GOSR2: variants seen among roughly 807,000 people sequenced by gnomAD.
GOSR2 encodes golgi SNAP receptor complex member 2, also known as 27 kDa Golgi SNARE protein.
Under a neutral mutation model 27.9 loss-of-function variants are expected in GOSR2, and 20 were observed. The ratio of observed to expected loss-of-function variants is 0.72; its 90% confidence interval spans 0.50 to 1.04. GOSR2 has a LOEUF of 1.04. Among genes scored for constraint, GOSR2 ranks in the 50% least tolerant of loss-of-function variants. The probability of loss-of-function intolerance (pLI) is 0.00; values close to 1 mark genes in which losing one functional copy is unlikely to be tolerated. For missense variants in GOSR2, 261 were observed against 270.5 expected, an observed-to-expected ratio of 0.97 and a Z score of 0.25; for synonymous variants, 91 against 98.8, an observed-to-expected ratio of 0.92 and a Z score of 0.47.
At chr17:46,924,983 A>G (rs1162319899) in intron 1 of GOSR2, among the ~76,000 whole-genome samples, 1 of 152,198 alleles carries the variant, frequency 6.6e-6, no homozygotes, top group Non-Finnish European at 1.5e-5. Flanking sequence ...GTCTTAGACT[A>G]CCTGTTTTCA....
downstream of GOSR2, among the ~76,000 whole-genome samples, chr17:46,975,725 C>T (rs1005598169): frequency 6.6e-6 from 1 of 152,150 alleles, no homozygotes; most frequent in African/African-American, 2.4e-5. Flanking sequence ...CAGACTTGTA[C>T]ACCACAGGGG....
At chr17:46,933,809 T>G (rs571280212) in intron 4 of GOSR2, among the ~76,000 whole-genome samples, 3 of 151,620 alleles carry the variant, frequency 2.0e-5, no homozygotes, top group Admixed American at 2.0e-4. Context: ...CAAAAAAATA[T>G]AAAAATTAGC....
intron 6 of GOSR2, among the ~76,000 whole-genome samples, chr17:46,947,397 C>T (rs79288763): frequency 0.033 from 5,081 of 152,250 alleles, 164 homozygotes; most frequent in African/African-American, 0.082. Context: ...ACCAACCAGG[C>T]GGAGGCAGGG....
intron 6 of GOSR2, among the ~76,000 whole-genome samples, chr17:46,965,814 A>G (rs1449372483): frequency 7.1e-6 from 1 of 141,498 alleles, no homozygotes; most frequent in South Asian, 2.3e-4. Flanking sequence ...TTTTTTTTGT[A>G]GAGGCGGGGT....
At chr17:46,930,812 G>GT (rs2087248688) in intron 2 of GOSR2, 1 of 369,720 alleles carries the variant, frequency 2.7e-6, no homozygotes, top group African/African-American at 2.1e-5. Flanking sequence ...ACCTTTGCAT[G>GT]TTTATTTTCT....
chr17:46,961,344 C>T (rs1271524087), intron 6 of GOSR2, among the ~76,000 whole-genome samples: 1 of 152,052 alleles, frequency 6.6e-6, no homozygotes, highest in Non-Finnish European at 1.5e-5. Context: ...TCGGGACTAG[C>T]CTTGGCAACA....
chr17:46,959,910 G>A (rs908306142), intron 6 of GOSR2, among the ~76,000 whole-genome samples: 8 of 152,136 alleles, frequency 5.3e-5, no homozygotes, highest in Non-Finnish European at 1.2e-4. Flanking sequence ...CTCCTCTAAA[G>A]GAATTCAGGC....
chr17:46,966,608 C>G, exon 7 of GOSR2: 1 of 687,324 alleles, frequency 1.5e-6, no homozygotes, highest in South Asian at 1.5e-5. Context: ...ATCAGCCTCC[C>G]GAAGTGCTGG....
downstream of GOSR2, among the ~76,000 whole-genome samples, chr17:46,943,950 G>C (rs1202555326): frequency 6.6e-6 from 1 of 152,100 alleles, no homozygotes; most frequent in Non-Finnish European, 1.5e-5. Flanking sequence ...GGACAGGCGT[G>C]ACTAATGCAG....
chr17:46,940,723 T>C lies in GOSR2; in HGVS notation c.*1963T>C. ...CAGTGCTTTCCACACTTGACAGTGG[T>C]TGGCTTTGATGAACCCTCATGCTGC... On this transcript the variant is annotated 3_prime_UTR_variant, in exon 6 of 6. Transcript: ENST00000640051. 1 of 1,597,192 alleles carries C rather than the reference T, an allele frequency of 6.3e-7. No individual in the cohort carries two copies. The highest frequency in any genetic ancestry group is 1.1e-5 in the South Asian group (1 of 90,004).
intron 6 of GOSR2, among the ~76,000 whole-genome samples, chr17:46,949,746 G>T (rs951992944): frequency 2.0e-5 from 3 of 152,218 alleles, no homozygotes; most frequent in African/African-American, 7.2e-5. Flanking sequence ...AATCTCAGAT[G>T]AGTCAGACTG....
intron 6 of GOSR2, among the ~76,000 whole-genome samples, chr17:46,950,468 C>T (rs1404602746): frequency 2.0e-5 from 3 of 152,160 alleles, no homozygotes; most frequent in Non-Finnish European, 4.4e-5. Flanking sequence ...CTACAAATTG[C>T]TTTTTCCTTC....
chr17:46,923,744 G>A (rs953858992), intron 1 of GOSR2: 2 of 436,844 alleles, frequency 4.6e-6, no homozygotes, highest in South Asian at 2.3e-4. Context: ...CTTGTTAATC[G>A]TATCTGGTTA....
intron 6 of GOSR2, among the ~76,000 whole-genome samples, chr17:46,958,003 C>T (rs1444224150): frequency 6.6e-6 from 1 of 152,184 alleles, no homozygotes; most frequent in African/African-American, 2.4e-5. Flanking sequence ...GGCTCATTCC[C>T]ACCAAGGGGC....
rs2089193176 is a variant in GOSR2, at chr17:46,940,987, A to C, written c.*2227A>C. ...CTCAGTGTAGGGAAGGGTCCAGGCC[A>C]GGGAAGGAGCACCCTCTAGTGGAGG... On this transcript the variant is annotated 3_prime_UTR_variant, in exon 6 of 6. Coordinates refer to ENST00000640051, the MANE Select transcript of GOSR2 (RefSeq NM_004287.5). The C allele has an allele frequency of 8.5e-7, 1 of 1,176,298 alleles. No homozygotes were observed. The highest frequency in any genetic ancestry group is 1.6e-5 in the African/African-American group (1 of 63,258). 72.9% of individuals were successfully genotyped at this position (1,176,298 alleles called of 1,614,324 possible). A position where few individuals can be genotyped will look rare whatever the true frequency, so the allele number is the denominator to read the frequency against.
downstream of GOSR2, among the ~76,000 whole-genome samples, chr17:46,946,328 G>A (rs929604367): frequency 2.1e-4 from 32 of 151,234 alleles, no homozygotes; most frequent in Admixed American, 4.6e-4. Flanking sequence ...AGGAGTGGTG[G>A]CGCATGCCTG....
chr17:46,947,502 G>T (rs1289792731), intron 6 of GOSR2, among the ~76,000 whole-genome samples: 2 of 152,166 alleles, frequency 1.3e-5, no homozygotes, highest in African/African-American at 4.8e-5. Context: ...TGTCAGGCTG[G>T]TGTGGGTGTG....
intron 6 of GOSR2, chr17:46,949,395 G>A (rs971720740): frequency 6.6e-6 from 1 of 152,176 alleles, no homozygotes; most frequent in Non-Finnish European, 1.5e-5. Flanking sequence ...TACTTTCTAT[G>A]ACCAAGCCTC....
At position 46,939,894 on chromosome 17, in the gene GOSR2, A is replaced by G; in HGVS notation, c.*1134A>G. The G allele has an allele frequency of 1.0e-6, 1 of 993,194 alleles. No individual in the cohort carries two copies. Among genetic ancestry groups the G allele is most frequent in the Non-Finnish European group, 1.2e-6 (1 of 833,782 alleles). The allele number at this position is 993,194 out of a possible 1,614,324, so 61.5% of individuals were successfully genotyped here. ...AATGTGGTGAATCACTGAAAGTCTC[A>G]GAAAGACCTGGTTAGTGTATGTTCT... On this transcript the variant is annotated 3_prime_UTR_variant, in exon 6 of 6. Coordinates refer to ENST00000640051, the MANE Select transcript of GOSR2 (RefSeq NM_004287.5).
Sources: gnomAD v4.1 joint callset for allele counts (sites outside exome capture counted in the v4.1 genomes callset) on GRCh38, gnomAD v4.1.1 for gene constraint, MANE v1.5 for transcripts, NCBI Gene and HGNC (gene_info 2026-07-23, HGNC 2026-07-21) for gene names.